The following ITGA1 variants were observed in gnomAD, a reference collection of about 807,000 sequenced individuals.
The protein encoded by ITGA1 is integrin subunit alpha 1, also known as integrin alpha-1.
Under a neutral mutation model 145.9 loss-of-function variants are expected in ITGA1, and 85 were observed. That is an observed-to-expected ratio of 0.58 (90% confidence interval 0.49 to 0.70). The LOEUF (loss-of-function observed/expected upper bound fraction) is 0.70, where lower values mean the gene tolerates loss of function less well. Ranked by LOEUF, ITGA1 falls within the 30% of genes least tolerant of loss-of-function variation. The probability of loss-of-function intolerance (pLI) is 0.00; values close to 1 mark genes in which losing one functional copy is unlikely to be tolerated. For missense variants in ITGA1, 1,351 were observed against 1,418.7 expected (o/e 0.95, Z 0.77); for synonymous variants, 520 against 495.3 (o/e 1.05, Z -0.66).
intron 8 of ITGA1, among the ~76,000 whole-genome samples, chr5:52,888,745 A>G (rs1317793268): frequency 6.6e-6 from 1 of 152,196 alleles, no homozygotes; most frequent in Non-Finnish European, 1.5e-5. Flanking sequence ...TTCTTCTCAG[A>G]CATTAGTGCA....
intron 1 of ITGA1, among the ~76,000 whole-genome samples, chr5:52,797,233 T>C (rs907914005): frequency 1.3e-5 from 2 of 152,072 alleles, no homozygotes; most frequent in Non-Finnish European, 2.9e-5. Flanking sequence ...ACAGTAATTC[T>C]ATGAAAGATT....
At chr5:52,796,846 T>A (rs544943628) in intron 1 of ITGA1, among the ~76,000 whole-genome samples, 2 of 152,216 alleles carry the variant, frequency 1.3e-5, no homozygotes, top group South Asian at 4.2e-4. Context: ...AAGCTGGACT[T>A]TAAAGATAGG....
intron 6 of ITGA1, among the ~76,000 whole-genome samples, chr5:52,878,849 C>T (rs1447015107): frequency 1.3e-5 from 2 of 151,682 alleles, no homozygotes; most frequent in African/African-American, 2.4e-5. Context: ...TGGATTTAAC[C>T]CGAGTTGGAA....
chr5:52,822,064 A>G (rs1031896621), intron 1 of ITGA1, among the ~76,000 whole-genome samples: 2 of 152,226 alleles, frequency 1.3e-5, no homozygotes, highest in Non-Finnish European at 2.9e-5. Context: ...CAACAACAAA[A>G]TTGGCAATGG....
chr5:52,939,673 C>A lies in ITGA1; in HGVS notation c.3162C>A (p.Leu1054=), dbSNP rs376083618. ...GKKMTTSTDH[L]KRGTILDCNT... ...AAATGACTACATCAACTGACCATCT[C>A]AAACGAGGCACAATTCTGGTAAATT... Residue 1054 remains leucine (L), a synonymous_variant, in exon 25 of 29, where the codon CTC becomes CTA. Coordinates refer to ENST00000282588, the MANE Select transcript of ITGA1 (RefSeq NM_181501.2). 5.0e-6 allele frequency: 8 copies of A among 1,611,376 alleles called. No homozygotes were observed. Among genetic ancestry groups the A allele is most frequent in the Non-Finnish European group, 6.8e-6 (8 of 1,177,788 alleles).
intron 23 of ITGA1, among the ~76,000 whole-genome samples, chr5:52,936,894 CT>C (rs1161452146): frequency 1.3e-5 from 2 of 149,414 alleles, no homozygotes; most frequent in African/African-American, 4.9e-5. Context: ...AGATGGGAGT[CT>C]GGTTTTCCTG....
At chr5:52,789,878 T>C (rs969129035) in intron 1 of ITGA1, among the ~76,000 whole-genome samples, 22 of 152,224 alleles carry the variant, frequency 1.4e-4, no homozygotes, top group Non-Finnish European at 2.6e-4. Context: ...AGAGTGAAAC[T>C]TGAAGTAACA....
chr5:52,806,947 T>G (rs1748597510), intron 1 of ITGA1, among the ~76,000 whole-genome samples: 1 of 152,164 alleles, frequency 6.6e-6, no homozygotes, highest in Non-Finnish European at 1.5e-5. Flanking sequence ...GTCTTAAATT[T>G]TCAGATTTCA....
Position 52,788,217 on chromosome 5 carries a change from T to C in ITGA1, c.-137T>C. On this transcript the variant is annotated 5_prime_UTR_variant, in exon 1 of 29. Coordinates refer to ENST00000282588, the MANE Select transcript of ITGA1 (RefSeq NM_181501.2). ...CAGGAAATCACTCCTCTCCCGCTCC[T>C]GGGCGCCGCTGCCACTGGGGCAGAG... 1.8e-6 allele frequency: 1 copy of C among 559,960 alleles called. No homozygotes were observed. Among genetic ancestry groups the C allele is most frequent in the South Asian group, 2.6e-5 (1 of 37,918 alleles). The allele number at this position is 559,960 out of a possible 1,614,324, so 34.7% of individuals were successfully genotyped here. A position where few individuals can be genotyped will look rare whatever the true frequency, so the allele number is the denominator to read the frequency against.
Position 52,955,330 on chromosome 5 carries a change from C to T in ITGA1, c.*2879C>T, listed in dbSNP as rs990934127. On this transcript the variant is annotated 3_prime_UTR_variant, in exon 29 of 29. Coordinates refer to ENST00000282588, the MANE Select transcript of ITGA1 (RefSeq NM_181501.2). ...AGCTGACTTCAGCACACCACTGAGA[C>T]AGATTACACGATAGACAGATAGATA... 1 of 149,470 alleles carries T rather than the reference C, an allele frequency of 6.7e-6. No homozygotes were observed. Among genetic ancestry groups the T allele is most frequent in the African/African-American group, 2.5e-5 (1 of 40,592 alleles). The allele number at this position is 149,470 out of a possible 1,614,324, so 9.3% of individuals were successfully genotyped here.
At chr5:52,818,037 T>C (rs1748805279) in intron 1 of ITGA1, among the ~76,000 whole-genome samples, 1 of 152,170 alleles carries the variant, frequency 6.6e-6, no homozygotes, top group Non-Finnish European at 1.5e-5. Flanking sequence ...AAGCAGGTAG[T>C]GGGCAGGATT....
intron 1 of ITGA1, among the ~76,000 whole-genome samples, chr5:52,830,128 G>C (rs1484609986): frequency 6.6e-6 from 1 of 152,158 alleles, no homozygotes; most frequent in Non-Finnish European, 1.5e-5. Context: ...GGGTATAGTA[G>C]CTCTGTGGCA....
intron 6 of ITGA1, among the ~76,000 whole-genome samples, chr5:52,876,007 C>G (rs909183791): frequency 3.9e-5 from 6 of 152,036 alleles, no homozygotes; most frequent in African/African-American, 1.4e-4. Context: ...TTCATAATCT[C>G]TTGGCTATTT....
At chr5:52,805,510 T>A (rs1748572410) in intron 1 of ITGA1, among the ~76,000 whole-genome samples, 1 of 152,092 alleles carries the variant, frequency 6.6e-6, no homozygotes, top group Admixed American at 6.5e-5. Context: ...GACTGCAGAT[T>A]GCTGTTTAGA....
At position 52,925,376 on chromosome 5, in the gene ITGA1, C is replaced by T; in HGVS notation, c.2502C>T (p.Ser834=). The T allele has an allele frequency of 6.2e-7, 1 of 1,613,986 alleles. No homozygotes were observed. The highest frequency in any genetic ancestry group is 1.1e-5 in the South Asian group (1 of 91,072). Residue 834 remains serine (S), a synonymous_variant, in exon 19 of 29, where the codon TCC becomes TCT. Transcript: ENST00000282588. ...TTEKDLLIVR[S]QNDKFNVSLT... ...AAAAGGACCTGCTGATTGTCCGATC[C>T]CAGAATGATAAGTTCAACGTTAGCC...
intron 14 of ITGA1, among the ~76,000 whole-genome samples, chr5:52,912,457 G>A (rs1328089813): frequency 7.1e-6 from 1 of 141,584 alleles, no homozygotes; most frequent in Non-Finnish European, 1.5e-5. Context: ...TCCACTATAG[G>A]TATTATATAT....
In ITGA1 at chr5:52,937,440, C is replaced by A. The variant is rs1140945; in HGVS notation, c.3004C>A (p.Leu1002Met). The A allele has an allele frequency of 6.2e-7, 1 of 1,613,558 alleles. No individual in the cohort carries two copies. The highest frequency in any genetic ancestry group is 8.5e-7 in the Non-Finnish European group (1 of 1,179,546). ...ATCTTTTCCAATGCCAGAGCTTAAGCTGTCAATTTCATTCCCCAATATGAC... is the reference window on the plus strand; with the variant it reads ...ATCTTTTCCAATGCCAGAGCTTAAGATGTCAATTTCATTCCCCAATATGAC... ...SGSFPMPELK[L>M]SISFPNMTSN... Residue 1002 changes from leucine to methionine, a missense_variant, in exon 24 of 29, where the codon CTG (leucine) becomes ATG (methionine). Transcript: ENST00000282588.
At chr5:52,896,081 A>G (rs1750219202) in intron 9 of ITGA1, among the ~76,000 whole-genome samples, 1 of 152,198 alleles carries the variant, frequency 6.6e-6, no homozygotes, top group South Asian at 2.1e-4. Context: ...ACTGGGAGAA[A>G]ATGCCAACAT....
At chr5:52,875,720 C>A (rs1749856191) in intron 6 of ITGA1, among the ~76,000 whole-genome samples, 2 of 152,154 alleles carry the variant, frequency 1.3e-5, no homozygotes, top group Admixed American at 6.6e-5. Context: ...CCCGGTTGCA[C>A]CTTTTTAGCT....
Sources: allele counts gnomAD v4.1 joint callset (sites outside exome capture counted in the v4.1 genomes callset), GRCh38; gene constraint gnomAD v4.1.1; transcripts MANE v1.5; gene names NCBI Gene and HGNC (gene_info 2026-07-23, HGNC 2026-07-21).